The following JAKMIP1 variants were observed in gnomAD, a reference collection of about 807,000 sequenced individuals.
JAKMIP1 encodes the protein janus kinase and microtubule-interacting protein 1.
In JAKMIP1, 33 loss-of-function variants were observed where a neutral mutation model predicts 113.0. The ratio of observed to expected loss-of-function variants is 0.29; its 90% confidence interval spans 0.22 to 0.39. The LOEUF (loss-of-function observed/expected upper bound fraction) is 0.39, where lower values mean the gene tolerates loss of function less well. Ranked by LOEUF, JAKMIP1 falls within the 10% of genes least tolerant of loss-of-function variation. The pLI is 1.00. For missense variants in JAKMIP1, 813 were observed against 1,080.5 expected (o/e 0.75, Z 3.47); for synonymous variants, 480 against 459.9 (o/e 1.04, Z -0.56).
At position 6,155,838 on chromosome 4, in the gene JAKMIP1, G is replaced by C. The variant is rs1418453358; in HGVS notation, c.-147-42841C>G. On this transcript the variant is annotated intron_variant, in intron 1 of 20. Transcript: ENST00000409021. This position sits in a 1 kb window ranked among gnomAD's most constrained non-coding sequence, Gnocchi z 6.1. ...TGCTTGCTAACATGCAGCCTTCCTGGGTCCTGCCCTAGACCTCATGAATGG... is the reference window on the plus strand; with the variant it reads ...TGCTTGCTAACATGCAGCCTTCCTGCGTCCTGCCCTAGACCTCATGAATGG... 1.3e-5 allele frequency among the ~76,000 whole-genome samples: 2 copies of C among 152,092 alleles called. No individual in the cohort carries two copies. The highest frequency in any genetic ancestry group is 2.4e-5 in the African/African-American group (1 of 41,414).
chr4:6,052,990 G>A (rs183664719), intron 13 of JAKMIP1, among the ~76,000 whole-genome samples: 6,043 of 152,200 alleles, frequency 0.04, 355 homozygotes, highest in African/African-American at 0.12. Flanking sequence ...AACTCAAGCC[G>A]GCAGGAGAAA....
At chr4:6,177,562 T>C (rs998251642) in intron 1 of JAKMIP1, among the ~76,000 whole-genome samples, 1 of 152,186 alleles carries the variant, frequency 6.6e-6, no homozygotes, top group Admixed American at 6.5e-5. Flanking sequence ...AAATCCTAGA[T>C]CCAACCCTTC....
intron 20 of JAKMIP1, among the ~76,000 whole-genome samples, chr4:6,028,963 G>A (rs1712224003): frequency 1.3e-5 from 2 of 152,340 alleles, no homozygotes; most frequent in Admixed American, 6.5e-5. Context: ...TGCACACCAC[G>A]TGGTCCCTGT....
intron 8 of JAKMIP1, among the ~76,000 whole-genome samples, chr4:6,075,016 G>A (rs966080561): frequency 3.9e-5 from 6 of 152,174 alleles, no homozygotes; most frequent in African/African-American, 1.4e-4. Context: ...CTCAGAATGT[G>A]TCCCTGTTGT....
intron 19 of JAKMIP1, among the ~76,000 whole-genome samples, chr4:6,032,914 A>C (rs947322682): frequency 1.3e-5 from 2 of 152,192 alleles, no homozygotes; most frequent in African/African-American, 4.8e-5. Flanking sequence ...GCAGAGAAAG[A>C]GACAATGGAG....
rs1459615764 is a variant in JAKMIP1, at chr4:6,084,814, T to C, written c.954+32A>G. 3.1e-6 allele frequency: 5 copies of C among 1,605,534 alleles called. No individual in the cohort carries two copies. In the Admixed American group the frequency reaches 8.6e-5, roughly 28 times the overall value. On this transcript the variant is annotated intron_variant, in intron 5 of 20. Coordinates refer to ENST00000409021, the MANE Select transcript of JAKMIP1 (RefSeq NM_001099433.2). Reference sequence around the variant, plus strand: ...CTCAGGGCCCCTTCCTTGCACCCTATGAGGCACCGCCTGTCTCTTGGGGCT... The same window carrying C: ...CTCAGGGCCCCTTCCTTGCACCCTACGAGGCACCGCCTGTCTCTTGGGGCT...
rs565638458 is a variant in JAKMIP1 at position 6,135,854 on chromosome 4, A to G, written c.-147-22857T>C. On this transcript the variant is annotated intron_variant, in intron 1 of 20. Coordinates refer to ENST00000409021, the MANE Select transcript of JAKMIP1 (RefSeq NM_001099433.2). This position sits in a 1 kb window ranked among gnomAD's most constrained non-coding sequence, Gnocchi z 4.9. ...TACTAACAGTTTCAGATAGCCACCT[A>G]ACACCTTGGCAGAGGCTGGTGTCAG... 6.7e-6 allele frequency among the ~76,000 whole-genome samples: 1 copy of G among 149,932 alleles called. No individual in the cohort carries two copies. Among genetic ancestry groups the G allele is most frequent in the South Asian group, 2.2e-4 (1 of 4,618 alleles).
In JAKMIP1 at chr4:6,199,577, G is replaced by T. The variant is rs1728219762; in HGVS notation, c.-148+676C>A. On this transcript the variant is annotated intron_variant, in intron 1 of 20. Coordinates refer to ENST00000409021, the MANE Select transcript of JAKMIP1 (RefSeq NM_001099433.2). The surrounding 1 kb of genome is among the most constrained non-coding windows in gnomAD (Gnocchi z 5.6). ...GCGCCCAGGGCGCGCCGGCCCGGCA[G>T]GAGGGTGGGTGCCAGCCTTTCTTCC... Among the ~76,000 whole-genome samples, 1 of 152,100 alleles carries T rather than the reference G, an allele frequency of 6.6e-6. No homozygotes were observed. Among genetic ancestry groups the T allele is most frequent in the South Asian group, 2.1e-4 (1 of 4,834 alleles).
In JAKMIP1 at chr4:6,158,132, C is replaced by A. The variant is rs913437441; in HGVS notation, c.-148+42121G>T. Among the ~76,000 whole-genome samples, 1 of 152,216 alleles carries A rather than the reference C, an allele frequency of 6.6e-6. No individual in the cohort carries two copies. Among genetic ancestry groups the A allele is most frequent in the Non-Finnish European group, 1.5e-5 (1 of 68,038 alleles). On this transcript the variant is annotated intron_variant, in intron 1 of 20. Transcript: ENST00000409021. The surrounding 1 kb of genome is among the most constrained non-coding windows in gnomAD (Gnocchi z 5.3). ...TGCTCTCTCTACCTCCTCTCCTGACCTGGAACGCAAGGATGGGGAGAACGG... is the reference window on the plus strand; with the variant it reads ...TGCTCTCTCTACCTCCTCTCCTGACATGGAACGCAAGGATGGGGAGAACGG...
At chr4:6,071,348 G>T (rs1315495266) in intron 8 of JAKMIP1, among the ~76,000 whole-genome samples, 1 of 152,176 alleles carries the variant, frequency 6.6e-6, no homozygotes, top group East Asian at 1.9e-4. Flanking sequence ...GCAGACTTGA[G>T]ACAGAGGGGC....
In JAKMIP1 at chr4:6,108,281, C is replaced by T. The variant is rs992689498; in HGVS notation, c.130-2314G>A. Among the ~76,000 whole-genome samples, 18 of 152,078 alleles carry T rather than the reference C, an allele frequency of 1.2e-4. No homozygotes were observed. Among genetic ancestry groups the T allele is most frequent in the Non-Finnish European group, 2.2e-4 (15 of 67,996 alleles). On this transcript the variant is annotated intron_variant, in intron 2 of 20. Coordinates refer to ENST00000409021, the MANE Select transcript of JAKMIP1 (RefSeq NM_001099433.2). The surrounding 1 kb of genome is among the most constrained non-coding windows in gnomAD (Gnocchi z 5.6). The stretch of plus-strand genomic sequence containing the variant: ...TCTGATGGGCACAGAGCACTCCCTC[C>T]CACCACCACTCCATCCAGCTGAGCA...
intron 3 of JAKMIP1, among the ~76,000 whole-genome samples, chr4:6,104,776 G>C (rs1265287086): frequency 2.0e-5 from 3 of 152,176 alleles, no homozygotes; most frequent in Non-Finnish European, 4.4e-5. Context: ...TTCCAGCTGG[G>C]CTCGCCAGCC....
chr4:6,071,253 G>T (rs980933620), intron 8 of JAKMIP1, among the ~76,000 whole-genome samples: 1 of 151,354 alleles, frequency 6.6e-6, no homozygotes, highest in East Asian at 1.9e-4. Flanking sequence ...AGCTGGGCCT[G>T]ACCCCAGGCA....
At position 6,042,033 on chromosome 4, in the gene JAKMIP1, G is replaced by T. The variant is rs1714381885; in HGVS notation, c.2097+126C>A. 3 of 734,136 alleles carry T rather than the reference G, an allele frequency of 4.1e-6. No homozygotes were observed. Among genetic ancestry groups the T allele is most frequent in the African/African-American group, 1.8e-5 (1 of 57,132 alleles). 45.5% of individuals were successfully genotyped at this position (734,136 alleles called of 1,614,324 possible). On this transcript the variant is annotated intron_variant, in intron 17 of 20. Transcript: ENST00000409021. The surrounding 1 kb of genome is among the most constrained non-coding windows in gnomAD (Gnocchi z 5.2). ...TGACAATTACTTAGAACAACCACTG[G>T]GGCAAAAGCAAAATTGAGAAATGCA... is the stretch of plus-strand genomic sequence containing the variant.
intron 13 of JAKMIP1, among the ~76,000 whole-genome samples, chr4:6,053,358 G>A (rs1282478678): frequency 1.3e-5 from 2 of 152,206 alleles, no homozygotes; most frequent in Non-Finnish European, 2.9e-5. Context: ...TAGTTTTGAG[G>A]TGCAGTTTGA....
rs1725381181 is a variant in JAKMIP1 at position 6,176,717 on chromosome 4, A to C, written c.-148+23536T>G. On this transcript the variant is annotated intron_variant, in intron 1 of 20. Coordinates refer to ENST00000409021, the MANE Select transcript of JAKMIP1 (RefSeq NM_001099433.2). The surrounding 1 kb of genome is among the most constrained non-coding windows in gnomAD (Gnocchi z 5.5). ...GATTTGCCAGCCTGTGTGGCCAGCA[A>C]GAAATTGGAGCCTATATCAAAGTGG... 6.6e-6 allele frequency among the ~76,000 whole-genome samples: 1 copy of C among 152,168 alleles called. No homozygotes were observed. The highest frequency in any genetic ancestry group is 2.4e-5 in the African/African-American group (1 of 41,416).
Position 6,079,545 on chromosome 4 carries a change from G to T in JAKMIP1, c.1243-547C>A, listed in dbSNP as rs80081266. ...ACACCCACTTTGGTGAGCAGAACAC[G>T]TTCTACTTCTAAGATCCAACTAAAG... On this transcript the variant is annotated intron_variant, in intron 7 of 20. Coordinates refer to ENST00000409021, the MANE Select transcript of JAKMIP1 (RefSeq NM_001099433.2). Among the ~76,000 whole-genome samples the T allele has an allele frequency of 7.1e-4, 108 of 152,302 alleles. 1 individual carries two copies. In the East Asian group the frequency reaches 0.019, roughly 27 times the overall value.
chr4:6,109,277 C>T (rs950019901), intron 2 of JAKMIP1, among the ~76,000 whole-genome samples: 9 of 151,608 alleles, frequency 5.9e-5, no homozygotes, highest in African/African-American at 2.2e-4. Context: ...GGACTACAGG[C>T]ACCCGCCACT....
rs1160664479 is a variant in JAKMIP1, at chr4:6,167,510, CCA to C, written c.-148+32741_-148+32742del. 2.0e-5 allele frequency among the ~76,000 whole-genome samples: 3 copies of C among 152,192 alleles called. No individual in the cohort carries two copies. The highest frequency in any genetic ancestry group is 1.3e-4 in the Admixed American group (2 of 15,292). Reference sequence around the variant, plus strand: ...TGGTGTCACAGCTGTGCAACCTGGGCCACTGCAAAGGGCCCTGAGCTTTGAAG... The same window carrying C: ...TGGTGTCACAGCTGTGCAACCTGGGCCTGCAAAGGGCCCTGAGCTTTGAAG... On this transcript the variant is annotated intron_variant, in intron 1 of 20. Coordinates refer to ENST00000409021, the MANE Select transcript of JAKMIP1 (RefSeq NM_001099433.2). The surrounding 1 kb of genome is among the most constrained non-coding windows in gnomAD (Gnocchi z 5.3).
Sources: allele counts gnomAD v4.1 joint callset (sites outside exome capture counted in the v4.1 genomes callset), GRCh38; gene constraint gnomAD v4.1.1; non-coding constraint Gnocchi (gnomAD v3.1); transcripts MANE v1.5; gene names NCBI Gene and HGNC (gene_info 2026-07-23, HGNC 2026-07-21).